The following UTRN variants were observed in gnomAD, a reference collection of about 807,000 sequenced individuals.
UTRN encodes dystrophin-related protein 1.
In UTRN, 283 loss-of-function variants were observed where a neutral mutation model predicts 463.9. The ratio of observed to expected loss-of-function variants is 0.61; its 90% CI spans 0.55 to 0.67. UTRN has a LOEUF of 0.67. Among genes scored for constraint, UTRN ranks in the 30% least tolerant of loss-of-function variants. UTRN has a pLI of 0.00. For synonymous variants in UTRN, 1,442 were observed against 1,431.5 expected (o/e 1.01, Z -0.17); for missense variants, 3,922 against 4,084.3 (o/e 0.96, Z 1.08).
intron 16 of UTRN, among the ~76,000 whole-genome samples, chr6:144,448,195 C>T (rs562627519): frequency 6.6e-6 from 1 of 152,202 alleles, no homozygotes; most frequent in South Asian, 2.1e-4. Flanking sequence ...TGTATGCATA[C>T]AATATTATCT....
intron 39 of UTRN, 29 bp from the exon 40 acceptor site, chr6:144,521,948 TATA>T (rs758169763): frequency 1.1e-5 from 13 of 1,214,922 alleles, no homozygotes; most frequent in East Asian, 1.0e-4. Flanking sequence ...TATATATATA[TATA>T]TATATTTTTT....
intron 23 of UTRN, among the ~76,000 whole-genome samples, chr6:144,464,760 A>G (rs1789762242): frequency 6.6e-6 from 1 of 152,096 alleles, no homozygotes; most frequent in African/African-American, 2.4e-5. Context: ...TCGGCCTCCC[A>G]AAATGCTAGG....
At chr6:144,819,023 C>T (rs536635475) in intron 65 of UTRN, among the ~76,000 whole-genome samples, 40 of 152,024 alleles carry the variant, frequency 2.6e-4, no homozygotes, top group African/African-American at 9.4e-4. Flanking sequence ...TTTTCTTCTG[C>T]ACTTTTGCTT....
rs191003051 is a variant in UTRN, at chr6:144,848,109, A to G, written c.10293+1282A>G. ...CTCTCCTGCTTGCTTCTGTTGTCTA[A>G]GTGAATTGGAAGCCGGGACTTTAGC... On this transcript the variant is annotated intron_variant, in intron 74 of 74. Transcript: ENST00000367545. 1.4e-3 allele frequency among the ~76,000 whole-genome samples: 206 copies of G among 152,224 alleles called. 1 individual carries two copies. The highest frequency in any genetic ancestry group is 4.9e-4 in the Non-Finnish European group (33 of 68,018).
At chr6:144,573,536 A>C (rs12205460) in intron 50 of UTRN, among the ~76,000 whole-genome samples, 28,461 of 151,878 alleles carry the variant, frequency 0.19, 2,787 homozygotes, top group South Asian at 0.31. Flanking sequence ...TCTATTAAAA[A>C]AATACAAAAA....
intron 58 of UTRN, among the ~76,000 whole-genome samples, chr6:144,761,323 A>G (rs149873088): frequency 7.2e-5 from 11 of 152,182 alleles, no homozygotes; most frequent in Admixed American, 5.9e-4. Context: ...TTTTCCTAGT[A>G]TAGTGCAATG....
intron 53 of UTRN, among the ~76,000 whole-genome samples, chr6:144,722,469 A>C (rs908245541): frequency 2.6e-5 from 4 of 151,944 alleles, no homozygotes; most frequent in African/African-American, 4.8e-5. Context: ...CCCTGTGTCC[A>C]CACTCCTATG....
intron 35 of UTRN, among the ~76,000 whole-genome samples, chr6:144,513,120 T>C (rs1052825000): frequency 4.6e-5 from 7 of 152,212 alleles, no homozygotes; most frequent in East Asian, 1.9e-4. Flanking sequence ...CATCTTGCTG[T>C]GGTCTGTGCC....
intron 54 of UTRN, among the ~76,000 whole-genome samples, chr6:144,742,086 T>TA (rs11374091): frequency 0.46 from 69,661 of 151,542 alleles, 21,217 homozygotes; most frequent in East Asian, 0.87. Context: ...TCTCTTTTCT[T>TA]AAAAAAAGAA....
chr6:144,549,442 G>A (rs1798707294), intron 47 of UTRN, among the ~76,000 whole-genome samples: 2 of 152,198 alleles, frequency 1.3e-5, no homozygotes, highest in Admixed American at 1.3e-4. Context: ...CTTCATGTGT[G>A]CTGGTCATTT....
chr6:144,338,334 G>GT (rs1036093531), intron 2 of UTRN, among the ~76,000 whole-genome samples: 11 of 151,594 alleles, frequency 7.3e-5, no homozygotes, highest in African/African-American at 2.7e-4. Flanking sequence ...ACACAAATGG[G>GT]TTAAAAAAAA....
At chr6:144,649,533 T>G (rs1184106514) in intron 51 of UTRN, among the ~76,000 whole-genome samples, 1 of 152,204 alleles carries the variant, frequency 6.6e-6, no homozygotes, top group African/African-American at 2.4e-5. Flanking sequence ...GAAAGTTCTA[T>G]TGGACAGCAC....
At chr6:144,740,240 T>C (rs1789898730) in intron 54 of UTRN, among the ~76,000 whole-genome samples, 1 of 152,250 alleles carries the variant, frequency 6.6e-6, no homozygotes, top group Non-Finnish European at 1.5e-5. Flanking sequence ...TATTTGTAGC[T>C]ATTCAATAGA....
chr6:144,330,788 G>C, intron 2 of UTRN: 1 of 982,988 alleles, frequency 1.0e-6, no homozygotes, highest in Non-Finnish European at 1.2e-6. Flanking sequence ...GGTCCGGGCA[G>C]TTGGGGAGGA....
intron 51 of UTRN, chr6:144,583,685 T>C: frequency 2.1e-6 from 1 of 465,280 alleles, no homozygotes; most frequent in Non-Finnish European, 4.0e-6. Context: ...TTTCAGGTTC[T>C]TATCAAGGAA....
Position 144,473,709 on chromosome 6 carries a change from T to A in UTRN, c.3067-11T>A. 2 of 1,611,738 alleles carry A rather than the reference T, an allele frequency of 1.2e-6. No individual in the cohort carries two copies. Among genetic ancestry groups the A allele is most frequent in the Non-Finnish European group, 1.7e-6 (2 of 1,177,928 alleles). On this transcript the variant is annotated splice_polypyrimidine_tract_variant and intron_variant, in intron 23 of 74. Coordinates refer to ENST00000367545, the MANE Select transcript of UTRN (RefSeq NM_007124.3). ...GAAGTAATATCCCCCTCTGTTATCA[T>A]GTTCGATTAGGCCGATTCAACAGTC... is the stretch of plus-strand genomic sequence containing the variant.
intron 69 of UTRN, among the ~76,000 whole-genome samples, chr6:144,834,781 C>T (rs1367169825): frequency 1.3e-5 from 2 of 152,162 alleles, no homozygotes; most frequent in Admixed American, 6.5e-5. Flanking sequence ...ATGTTCGCAG[C>T]CCCCATCGCT....
intron 45 of UTRN, among the ~76,000 whole-genome samples, chr6:144,541,097 A>G (rs961911704): frequency 2.0e-5 from 3 of 152,330 alleles, no homozygotes; most frequent in African/African-American, 7.2e-5. Context: ...TCTGTTCTAG[A>G]CAAAGCAGCC....
rs371849257 is a variant in UTRN, at chr6:144,850,639, A to G, written c.10294-350A>G. Among the ~76,000 whole-genome samples, 212 of 152,266 alleles carry G rather than the reference A, an allele frequency of 1.4e-3. 8 individuals carry two copies. The South Asian group carries it at 0.041, about 29-fold the overall frequency. ...GGCATTGTTAGGGTACCCCCTCTAC[A>G]GATGACCTCCCACAGTCCCCCAGGA... On this transcript the variant is annotated intron_variant, in intron 74 of 74. Coordinates refer to ENST00000367545, the MANE Select transcript of UTRN (RefSeq NM_007124.3).
Sources: allele counts gnomAD v4.1 joint callset (sites outside exome capture counted in the v4.1 genomes callset), GRCh38; gene constraint gnomAD v4.1.1; transcripts MANE v1.5; gene names NCBI Gene and HGNC (gene_info 2026-07-23, HGNC 2026-07-21).